DMXL2: variants seen among roughly 807,000 people sequenced by gnomAD.
The protein encoded by DMXL2 is dmX-like protein 2.
A neutral mutation model predicts 331.1 loss-of-function variants in DMXL2; 103 were observed. That is an observed-to-expected ratio of 0.31 (90% CI 0.27 to 0.37). The LOEUF is 0.37. Among genes scored for constraint, DMXL2 ranks in the 10% least tolerant of loss-of-function variants. DMXL2 has a pLI of 1.00. For synonymous variants in DMXL2, 1,281 were observed against 1,252.1 expected, an observed-to-expected ratio of 1.02 and a Z score of -0.49; for missense variants, 3,171 against 3,642.9, an observed-to-expected ratio of 0.87 and a Z score of 3.33.
intron 1 of DMXL2, among the ~76,000 whole-genome samples, chr15:51,586,606 G>A (rs1413786110): frequency 6.6e-6 from 1 of 151,692 alleles, no homozygotes; most frequent in African/African-American, 2.4e-5. Flanking sequence ...AGCCAATTTT[G>A]ATAATTTACT....
intron 13 of DMXL2, among the ~76,000 whole-genome samples, chr15:51,527,662 C>T (rs1461762988): frequency 6.7e-6 from 1 of 150,206 alleles, no homozygotes; most frequent in African/African-American, 2.5e-5. Context: ...GCAGAGGTTG[C>T]AGTGAGCCGA....
chr15:51,521,181 A>G (rs1275770235), intron 13 of DMXL2, among the ~76,000 whole-genome samples: 2 of 152,162 alleles, frequency 1.3e-5, no homozygotes, highest in African/African-American at 4.8e-5. Flanking sequence ...CGTAGTTGTA[A>G]GAGTTTGGTC....
At position 51,527,566 on chromosome 15, in the gene DMXL2, T is replaced by C. The variant is rs140038539; in HGVS notation, c.2436+8097A>G. Among the ~76,000 whole-genome samples the C allele has an allele frequency of 4.3e-3, 653 of 150,962 alleles. 6 individuals are homozygous for C. The highest frequency in any genetic ancestry group is 0.015 in the African/African-American group (620 of 41,132). ...CAACACGGTGAAACCCTGTCTCTAC[T>C]AAAATACAAAAAATTAGCTGGGCGT... On this transcript the variant is annotated intron_variant, in intron 13 of 43. Coordinates refer to ENST00000560891, the MANE Select transcript of DMXL2 (RefSeq NM_001378457.1).
intron 1 of DMXL2, among the ~76,000 whole-genome samples, chr15:51,593,655 A>G (rs1377937910): frequency 6.6e-6 from 1 of 152,236 alleles, no homozygotes; most frequent in South Asian, 2.1e-4. Flanking sequence ...AATTGACCAC[A>G]TAGTTGGAAG....
chr15:51,614,087 G>C (rs2054139526), intron 1 of DMXL2, among the ~76,000 whole-genome samples: 1 of 152,186 alleles, frequency 6.6e-6, no homozygotes, highest in African/African-American at 2.4e-5. Flanking sequence ...GATCTTAAGG[G>C]TGGGGCCCTA....
chr15:51,455,256 C>G, intron 39 of DMXL2, 28 bp from the exon 40 acceptor site: 2 of 1,577,024 alleles, frequency 1.3e-6, no homozygotes, highest in Non-Finnish European at 1.7e-6. Context: ...CTACTAAACA[C>G]ATGTTCTTAG....
intron 1 of DMXL2, among the ~76,000 whole-genome samples, chr15:51,586,511 C>A (rs1466405979): frequency 2.0e-5 from 3 of 151,762 alleles, no homozygotes; most frequent in Non-Finnish European, 4.4e-5. Context: ...CAGCAACTGG[C>A]CTGAAAGAAA....
At chr15:51,479,923 C>T in intron 25 of DMXL2, 25 bp downstream of exon 25, 1 of 1,443,178 alleles carries the variant, frequency 6.9e-7, no homozygotes. Context: ...TGTATAATAT[C>T]AAATGATCAT....
intron 1 of DMXL2, among the ~76,000 whole-genome samples, chr15:51,600,673 C>T (rs933833814): frequency 5.9e-5 from 9 of 152,138 alleles, no homozygotes; most frequent in African/African-American, 2.2e-4. Context: ...CCTAATTCTC[C>T]GCTTGGTCAG....
intron 28 of DMXL2, 109 bp downstream of exon 28, chr15:51,474,228 ATTATACT>A: frequency 1.1e-6 from 1 of 939,826 alleles, no homozygotes; most frequent in Admixed American, 2.8e-5. Context: ...AACAAGAGTG[ATTATACT>A]TTAAGCATCG....
Position 51,455,136 on chromosome 15 carries a change from T to C in DMXL2, c.8604+15A>G, listed in dbSNP as rs2039513248. On this transcript the variant is annotated intron_variant, in intron 40 of 43. Transcript: ENST00000560891. ...GTTGTGTATATGCGCCCTGGGAACA[T>C]TTAGTGATACTTACCATATAAGGTT... 4 of 1,605,928 alleles carry C rather than the reference T, an allele frequency of 2.5e-6. No homozygotes were observed. Among genetic ancestry groups the C allele is most frequent in the Admixed American group, 3.3e-5 (2 of 59,998 alleles).
At chr15:51,548,367 G>C (rs1421148658) in intron 6 of DMXL2, among the ~76,000 whole-genome samples, 1 of 151,802 alleles carries the variant, frequency 6.6e-6, no homozygotes, top group Non-Finnish European at 1.5e-5. Context: ...TTCTCAATTT[G>C]TGCTGCATAA....
chr15:51,464,917 T>C (rs899382818), intron 31 of DMXL2, 41 bp from the exon 32 acceptor site: 6 of 1,494,470 alleles, frequency 4.0e-6, no homozygotes, highest in Non-Finnish European at 5.5e-6. Context: ...TAATAAAAAA[T>C]ATCGATCATC....
At chr15:51,589,553 A>C (rs1402964613) in intron 1 of DMXL2, among the ~76,000 whole-genome samples, 1 of 152,238 alleles carries the variant, frequency 6.6e-6, no homozygotes, top group Non-Finnish European at 1.5e-5. Context: ...AATTAGGGTA[A>C]GGAGTACAAT....
chr15:51,500,728 C>A (rs1446311377), intron 17 of DMXL2, among the ~76,000 whole-genome samples: 3 of 152,140 alleles, frequency 2.0e-5, no homozygotes, highest in African/African-American at 7.2e-5. Context: ...TTTCAGACCG[C>A]AAAACAGACC....
chr15:51,542,264 G>A (rs2048639317), intron 9 of DMXL2, 69 bp downstream of exon 9: 8 of 1,422,670 alleles, frequency 5.6e-6, no homozygotes, highest in East Asian at 2.3e-5. Context: ...GGTTATGAAA[G>A]TAGTTCCACT....
Position 51,451,796 on chromosome 15 carries a change from T to C in DMXL2, c.8697-99A>G, listed in dbSNP as rs1595867145. ...TTCAGTCAAATATTTTGCTTATTCATTCTTATCTTTTTTGTTCACTCACAC... is the reference window on the plus strand; with the variant it reads ...TTCAGTCAAATATTTTGCTTATTCACTCTTATCTTTTTTGTTCACTCACAC... On this transcript the variant is annotated intron_variant, in intron 41 of 43. Coordinates refer to ENST00000560891, the MANE Select transcript of DMXL2 (RefSeq NM_001378457.1). 6.6e-6 allele frequency: 7 copies of C among 1,059,468 alleles called. No individual in the cohort carries two copies. In the East Asian group the frequency reaches 1.7e-4, roughly 26 times the overall value. 65.6% of individuals were successfully genotyped at this position (1,059,468 alleles called of 1,614,324 possible). A position where few individuals can be genotyped will look rare whatever the true frequency, so the allele number is the denominator to read the frequency against.
In DMXL2 at chr15:51,519,610, C is replaced by T. The variant is rs969130452; in HGVS notation, c.2437-2443G>A. On this transcript the variant is annotated intron_variant, in intron 13 of 43. Transcript: ENST00000560891. ...AATATTTTCAAAATCTCCTTCTTTG[C>T]TTCTCTGGTTTTGACAAAGTCTCTT... Among the ~76,000 whole-genome samples, 5 of 139,944 alleles carry T rather than the reference C, an allele frequency of 3.6e-5. No homozygotes were observed. In the East Asian group the frequency reaches 1.0e-3, roughly 28 times the overall value. 91.8% of individuals were successfully genotyped at this position (139,944 alleles called of 152,430 possible). A position where few individuals can be genotyped will look rare whatever the true frequency, so the allele number is the denominator to read the frequency against.
chr15:51,592,021 A>G (rs9888640), intron 1 of DMXL2, among the ~76,000 whole-genome samples: 69,315 of 150,924 alleles, frequency 0.46, 16,189 homozygotes, highest in Non-Finnish European at 0.51. Context: ...CTCCTCCTCC[A>G]AAGGAAAGCA....
Sources: allele counts gnomAD v4.1 joint callset (sites outside exome capture counted in the v4.1 genomes callset), GRCh38; gene constraint gnomAD v4.1.1; transcripts MANE v1.5; gene names NCBI Gene and HGNC (gene_info 2026-07-23, HGNC 2026-07-21).